GPN1: variants seen among roughly 807,000 people sequenced by gnomAD.
GPN1 encodes ATP(GTP)-binding protein.
Under a neutral mutation model 55.9 loss-of-function variants are expected in GPN1, and 44 were observed. The observed-to-expected ratio is 0.79, with a 90% CI of 0.62 to 1.01. The LOEUF is 1.01. Ranked by LOEUF, GPN1 falls within the 50% of genes least tolerant of loss-of-function variation. GPN1 has a pLI of 0.00. For synonymous variants in GPN1, 179 were observed against 162.5 expected, an observed-to-expected ratio of 1.10 and a Z score of -0.77; for missense variants, 466 against 462.8, an observed-to-expected ratio of 1.01 and a Z score of -0.06.
chr2:27,647,957 G>A lies in GPN1; in HGVS notation c.1039+14G>A, dbSNP rs774863367. On this transcript the variant is annotated intron_variant, in intron 13 of 13. Coordinates refer to ENST00000610189, the MANE Select transcript of GPN1 (RefSeq NM_007266.4). ...TTGACCACAGAGGTGAGAGGTGGCT[G>A]AGGTGGCCCGTGGCAACAGAGCATC... 6.8e-7 allele frequency: 1 copy of A among 1,472,658 alleles called. No homozygotes were observed. Among genetic ancestry groups the A allele is most frequent in the Non-Finnish European group, 9.5e-7 (1 of 1,051,138 alleles). The allele number at this position is 1,472,658 out of a possible 1,614,324, so 91.2% of individuals were successfully genotyped here. A position where few individuals can be genotyped will look rare whatever the true frequency, so the allele number is the denominator to read the frequency against.
chr2:27,628,989 C>G (rs1394896015), upstream of GPN1: 1 of 1,605,796 alleles, frequency 6.2e-7, no homozygotes, highest in South Asian at 1.1e-5. Context: ...CGTTCGCAGC[C>G]CAGAACATTG....
At chr2:27,641,205 A>C (rs754271891) in intron 10 of GPN1, 35 bp from the exon 11 acceptor site, 2 of 1,509,594 alleles carry the variant, frequency 1.3e-6, no homozygotes, top group Admixed American at 3.4e-5. Context: ...ATAGAGGATT[A>C]AGCAAAGGAA....
At chr2:27,630,068 A>G in intron 2 of GPN1, 116 bp downstream of exon 2, 3 of 678,592 alleles carry the variant, frequency 4.4e-6, no homozygotes, top group Admixed American at 4.1e-5. Flanking sequence ...CAGGTAGATC[A>G]CGAGGTCAGG....
intron 9 of GPN1, among the ~76,000 whole-genome samples, chr2:27,639,798 A>G (rs1347218518): frequency 6.6e-6 from 1 of 152,216 alleles, no homozygotes; most frequent in Non-Finnish European, 1.5e-5. Flanking sequence ...TACTGGTAGT[A>G]TAGGCATGTG....
chr2:27,635,352 C>G (rs1673698240), intron 7 of GPN1, 118 bp downstream of exon 7: 1 of 586,884 alleles, frequency 1.7e-6, no homozygotes, highest in Admixed American at 4.0e-5. Flanking sequence ...TGTGCTCATT[C>G]AGATTTGCTG....
Position 27,643,316 on chromosome 2 carries a change from A to C in GPN1, c.931+797A>C, listed in dbSNP as rs184710761. 6.6e-6 allele frequency among the ~76,000 whole-genome samples: 1 copy of C among 151,838 alleles called. No individual in the cohort carries two copies. The highest frequency in any genetic ancestry group is 6.6e-5 in the Admixed American group (1 of 15,252). On this transcript the variant is annotated intron_variant, in intron 12 of 13. Coordinates refer to ENST00000610189, the MANE Select transcript of GPN1 (RefSeq NM_007266.4). This position sits in a 1 kb window ranked among gnomAD's most constrained non-coding sequence, Gnocchi z 4.0. ...AAAATGTTAACATTCTACCATGTTT[A>C]CTTTATTCTTTATCTATATATGACT...
chr2:27,632,544 AGT>A, intron 4 of GPN1, 87 bp from the exon 5 acceptor site: 7 of 827,814 alleles, frequency 8.5e-6, no homozygotes, highest in Non-Finnish European at 1.5e-5. Flanking sequence ...AGTAGGTGAT[AGT>A]GCCTGTGAGG....
upstream of GPN1, chr2:27,628,658 G>C: frequency 6.4e-7 from 1 of 1,551,508 alleles, no homozygotes; most frequent in Non-Finnish European, 8.7e-7. Context: ...GAATAAGCCC[G>C]AGCAGCCGGT....
Position 27,629,107 on chromosome 2 carries a change from C to T in GPN1, c.49C>T (p.Arg17Trp). 1 of 1,614,208 alleles carries T rather than the reference C, an allele frequency of 6.2e-7. No individual in the cohort carries two copies. The highest frequency in any genetic ancestry group is 8.5e-7 in the Non-Finnish European group (1 of 1,180,032). ...AAELQASGGP[R>W]HPVCLLVLGM... ...TGAGCTCCAGGCTTCTGGGGGTCCG[C>T]GGCACCCAGTGTGTCTGTTGGTGTT... Residue 17 changes from arginine to tryptophan, a missense_variant, in exon 1 of 14, where the codon CGG becomes TGG. Coordinates refer to ENST00000610189, the MANE Select transcript of GPN1 (RefSeq NM_007266.4).
At chr2:27,628,763 T>A, upstream of GPN1, 1 of 1,542,030 alleles carries the variant, frequency 6.5e-7, no homozygotes, top group South Asian at 1.2e-5. Flanking sequence ...CGGGACCCCA[T>A]CTCTTCTGGC....
chr2:27,639,891 G>A, intron 9 of GPN1, 152 bp from the exon 10 acceptor site: 2 of 679,556 alleles, frequency 2.9e-6, no homozygotes, highest in Admixed American at 2.5e-5. Flanking sequence ...TGGGTGTGCT[G>A]TTTTGTTCTT....
chr2:27,647,114 A>G (rs894983181), intron 12 of GPN1, among the ~76,000 whole-genome samples: 7 of 152,148 alleles, frequency 4.6e-5, no homozygotes, highest in Admixed American at 4.6e-4. Flanking sequence ...CTCCTTTTTC[A>G]GGCCCACAGG....
Position 27,646,721 on chromosome 2 carries a change from T to G in GPN1, c.932-1115T>G, listed in dbSNP as rs552850291. Among the ~76,000 whole-genome samples, 3 of 152,328 alleles carry G rather than the reference T, an allele frequency of 2.0e-5. No individual in the cohort carries two copies. The South Asian group carries it at 6.2e-4, about 32-fold the overall frequency. On this transcript the variant is annotated intron_variant, in intron 12 of 13. Coordinates refer to ENST00000610189, the MANE Select transcript of GPN1 (RefSeq NM_007266.4). ...AATAAATTGTACATTTATTTTTTCTTCTCATCAGCAACACTAGCATTTTTT... is the reference window on the plus strand; with the variant it reads ...AATAAATTGTACATTTATTTTTTCTGCTCATCAGCAACACTAGCATTTTTT...
At chr2:27,647,280 C>G (rs910586469) in intron 12 of GPN1, among the ~76,000 whole-genome samples, 4 of 152,198 alleles carry the variant, frequency 2.6e-5, no homozygotes, top group African/African-American at 7.2e-5. Flanking sequence ...TACTGGAGCT[C>G]AGCCCTCACT....
intron 3 of GPN1, chr2:27,631,497 G>A: frequency 2.2e-6 from 1 of 444,510 alleles, no homozygotes; most frequent in East Asian, 4.3e-5. Flanking sequence ...TCAGCAGATT[G>A]CTTGGTTTAT....
At chr2:27,632,436 A>G (rs751270449) in intron 4 of GPN1, among the ~76,000 whole-genome samples, 197 bp from the exon 5 acceptor site, 3 of 152,138 alleles carry the variant, frequency 2.0e-5, no homozygotes, top group Non-Finnish European at 4.4e-5. Context: ...CCAAGATGGT[A>G]TTGGAGTGCT....
At chr2:27,636,953 GATTACAGGC>G (rs1449318785) in intron 7 of GPN1, among the ~76,000 whole-genome samples, 1 of 152,152 alleles carries the variant, frequency 6.6e-6, no homozygotes, top group Non-Finnish European at 1.5e-5. Context: ...AAAGTGCTCA[GATTACAGGC>G]ATGAGTCACA....
chr2:27,631,406 G>T (rs1572951211), intron 3 of GPN1: 2 of 432,404 alleles, frequency 4.6e-6, no homozygotes, highest in East Asian at 9.2e-5. Flanking sequence ...AGTGAGTTTA[G>T]TTGGATTAAC....
chr2:27,628,372 C>T (rs748177007), upstream of GPN1: 3 of 1,537,760 alleles, frequency 2.0e-6, no homozygotes, highest in African/African-American at 1.4e-5. Flanking sequence ...GGGGAGGAAG[C>T]TCCCCTCCAG....
Sources: gnomAD v4.1 joint callset for allele counts (sites outside exome capture counted in the v4.1 genomes callset) on GRCh38, gnomAD v4.1.1 for gene constraint, Gnocchi (gnomAD v3.1) non-coding constraint, MANE v1.5 for transcripts, NCBI Gene and HGNC (gene_info 2026-07-23, HGNC 2026-07-21) for gene names.